Variants in CHTF8 observed in about 807,000 individuals in gnomAD.
The protein encoded by CHTF8 is chromosome transmission fidelity protein 8 homolog.
In CHTF8, 6 loss-of-function variants were observed where a neutral mutation model predicts 11.0. That is an observed-to-expected ratio of 0.55 (90% CI 0.30 to 1.08). The LOEUF (loss-of-function observed/expected upper bound fraction) is 1.08, where lower values mean the gene tolerates loss of function less well. Ranked by LOEUF, CHTF8 falls within the 50% of genes least tolerant of loss-of-function variation. The pLI is 0.07. For synonymous variants in CHTF8, 53 were observed against 60.5 expected, an observed-to-expected ratio of 0.88 and a Z score of 0.57; for missense variants, 140 against 153.1, an observed-to-expected ratio of 0.91 and a Z score of 0.45.
chr16:69,127,645 T>A (rs1962169640), intron 1 of CHTF8, among the ~76,000 whole-genome samples: 1 of 147,568 alleles, frequency 6.8e-6, no homozygotes, highest in Admixed American at 6.8e-5. Flanking sequence ...TGTCTCCCTC[T>A]GTTGCCCAGG....
In CHTF8 at chr16:69,120,202, G is replaced by A. The variant is rs1414294166; in HGVS notation, c.*223C>T. On this transcript the variant is annotated 3_prime_UTR_variant, in exon 4 of 4. Transcript: ENST00000448552. The surrounding 1 kb of genome is among the most constrained non-coding windows in gnomAD (Gnocchi z 4.0). Reference sequence around the variant, plus strand: ...TGCTGGATTTGAAGCCAATGAGCCTGATGAAGCTGGAAAAGGAGATGGGTT... The same window carrying A: ...TGCTGGATTTGAAGCCAATGAGCCTAATGAAGCTGGAAAAGGAGATGGGTT... 1.4e-6 allele frequency: 1 copy of A among 702,696 alleles called. No individual in the cohort carries two copies. Among genetic ancestry groups the A allele is most frequent in the Non-Finnish European group, 2.6e-6 (1 of 385,622 alleles). 43.5% of individuals were successfully genotyped at this position (702,696 alleles called of 1,614,324 possible). A position where few individuals can be genotyped will look rare whatever the true frequency, so the allele number is the denominator to read the frequency against.
chr16:69,127,818 C>T (rs1279521482), intron 1 of CHTF8, among the ~76,000 whole-genome samples: 1 of 151,996 alleles, frequency 6.6e-6, no homozygotes, highest in African/African-American at 2.4e-5. Flanking sequence ...CCATCTTGGC[C>T]AGGCTAGTCT....
chr16:69,124,381 T>C (rs1429509108), intron 1 of CHTF8, among the ~76,000 whole-genome samples: 3 of 152,170 alleles, frequency 2.0e-5, no homozygotes, highest in Non-Finnish European at 4.4e-5. Flanking sequence ...GTATTATAAT[T>C]GTGCTCAAGC....
rs1961608720 is a variant in CHTF8 at position 69,120,971 on chromosome 16, C to T, written c.141+82G>A. On this transcript the variant is annotated intron_variant, in intron 3 of 3. Transcript: ENST00000448552. The surrounding 1 kb of genome is among the most constrained non-coding windows in gnomAD (Gnocchi z 4.0). ...CCTTGAATAACAAACCTGAGGCAGTCCTCACTCTGGGTCCTGGGAGCACCA... is the reference window on the plus strand; with the variant it reads ...CCTTGAATAACAAACCTGAGGCAGTTCTCACTCTGGGTCCTGGGAGCACCA... 1.7e-6 allele frequency: 2 copies of T among 1,178,586 alleles called. No homozygotes were observed. The highest frequency in any genetic ancestry group is 2.6e-6 in the Non-Finnish European group (2 of 782,148). The allele number at this position is 1,178,586 out of a possible 1,614,324, so 73.0% of individuals were successfully genotyped here.
intron 1 of CHTF8, among the ~76,000 whole-genome samples, chr16:69,126,076 C>T (rs1206038224): frequency 6.6e-6 from 1 of 152,126 alleles, no homozygotes; most frequent in Non-Finnish European, 1.5e-5. Flanking sequence ...AGAAGGGGCT[C>T]TTGCAAATAT....
intron 1 of CHTF8, among the ~76,000 whole-genome samples, chr16:69,122,992 C>A (rs1397625933): frequency 6.6e-6 from 1 of 152,094 alleles, no homozygotes; most frequent in Admixed American, 6.5e-5. Flanking sequence ...ATCTCTTGAC[C>A]TCATGATCCG....
chr16:69,125,829 T>C (rs868385771), intron 1 of CHTF8, among the ~76,000 whole-genome samples: 1 of 152,238 alleles, frequency 6.6e-6, no homozygotes, highest in African/African-American at 2.4e-5. Flanking sequence ...CTTTACTGTG[T>C]AGTCAAGAAC....
At chr16:69,121,793 G>A (rs942165757) in intron 1 of CHTF8, among the ~76,000 whole-genome samples, 4 of 151,498 alleles carry the variant, frequency 2.6e-5, no homozygotes, top group South Asian at 4.2e-4. Flanking sequence ...TCAGCCTCCC[G>A]AGTAGCTGGG....
In CHTF8 at chr16:69,119,415, A is replaced by G. The variant is rs756696610; in HGVS notation, c.*1010T>C. Reference sequence around the variant, plus strand: ...GAGCTGAATTAGGGCCTATGGGGCCAGGAGCCCTTGACATGGGAGATGGAT... The same window carrying G: ...GAGCTGAATTAGGGCCTATGGGGCCGGGAGCCCTTGACATGGGAGATGGAT... On this transcript the variant is annotated 3_prime_UTR_variant, in exon 4 of 4. Coordinates refer to ENST00000448552, the MANE Select transcript of CHTF8 (RefSeq NM_001039690.5). 1 of 703,018 alleles carries G rather than the reference A, an allele frequency of 1.4e-6. No homozygotes were observed. The highest frequency in any genetic ancestry group is 1.5e-5 in the South Asian group (1 of 67,600). The allele number at this position is 703,018 out of a possible 1,614,324, so 43.5% of individuals were successfully genotyped here.
rs533543523 is a variant in CHTF8, at chr16:69,118,901, C to G, written c.*1524G>C. 1 of 703,142 alleles carries G rather than the reference C, an allele frequency of 1.4e-6. No homozygotes were observed. Among genetic ancestry groups the G allele is most frequent in the Admixed American group, 2.0e-5 (1 of 50,026 alleles). The allele number at this position is 703,142 out of a possible 1,614,324, so 43.6% of individuals were successfully genotyped here. A position where few individuals can be genotyped will look rare whatever the true frequency, so the allele number is the denominator to read the frequency against. ...GGGTACATTGCAGCCATTGGACCCC[C>G]TGGTCTGGGGAAAGCAGCTGGGTTT... is the stretch of plus-strand genomic sequence containing the variant. On this transcript the variant is annotated 3_prime_UTR_variant, in exon 4 of 4. Transcript: ENST00000448552.
Position 69,120,935 on chromosome 16 carries a change from G to A in CHTF8, c.141+118C>T, listed in dbSNP as rs753575749. The A allele has an allele frequency of 4.5e-6, 4 of 879,546 alleles. No individual in the cohort carries two copies. Among genetic ancestry groups the A allele is most frequent in the East Asian group, 4.8e-5 (2 of 41,610 alleles). The allele number at this position is 879,546 out of a possible 1,614,324, so 54.5% of individuals were successfully genotyped here. A position where few individuals can be genotyped will look rare whatever the true frequency, so the allele number is the denominator to read the frequency against. ...GGGAGAACAAGCAGAGAGCATCGCA[G>A]ATTAGCTAGGCCTTGAATAACAAAC... is the stretch of plus-strand genomic sequence containing the variant. On this transcript the variant is annotated intron_variant, in intron 3 of 3. Coordinates refer to ENST00000448552, the MANE Select transcript of CHTF8 (RefSeq NM_001039690.5). This position sits in a 1 kb window ranked among gnomAD's most constrained non-coding sequence, Gnocchi z 4.0.
At chr16:69,125,493 G>C (rs1184969654) in intron 1 of CHTF8, among the ~76,000 whole-genome samples, 1 of 151,968 alleles carries the variant, frequency 6.6e-6, no homozygotes, top group Admixed American at 6.6e-5. Flanking sequence ...CTTCCCAAAG[G>C]AAAAAAAGTA....
At position 69,120,668 on chromosome 16, in the gene CHTF8, G is replaced by A. The variant is rs767354306; in HGVS notation, c.142-19C>T. The A allele has an allele frequency of 8.8e-6, 14 of 1,595,684 alleles. No individual in the cohort carries two copies. Among genetic ancestry groups the A allele is most frequent in the East Asian group, 4.5e-5 (2 of 44,520 alleles). ...GGATTCCCTTTGGCAGAACAAGAAC[G>A]AGATTCCTGAGGTTCCGGGGCAAGG... On this transcript the variant is annotated intron_variant, in intron 3 of 3. Transcript: ENST00000448552. This position sits in a 1 kb window ranked among gnomAD's most constrained non-coding sequence, Gnocchi z 4.0.
At chr16:69,123,074 CTTTT>C (rs982967659) in intron 1 of CHTF8, among the ~76,000 whole-genome samples, 2 of 152,016 alleles carry the variant, frequency 1.3e-5, no homozygotes, top group African/African-American at 4.8e-5. Flanking sequence ...CTTTTTTCTT[CTTTT>C]GAGACAGGGT....
Position 69,121,485 on chromosome 16 carries a change from G to A in CHTF8, c.-27C>T, listed in dbSNP as rs777948178. The A allele has an allele frequency of 5.6e-6, 9 of 1,593,544 alleles. No individual in the cohort carries two copies. In the South Asian group the frequency reaches 9.1e-5, roughly 16 times the overall value. ...AGCTTTCTGTCTTTAAAAAGCAAGT[G>A]AAAACAAGCTGTAGAGAGAAAAAAA... On this transcript the variant is annotated 5_prime_UTR_variant, in exon 2 of 4. Transcript: ENST00000448552.
chr16:69,129,894 G>C (rs559288501), intron 1 of CHTF8, among the ~76,000 whole-genome samples: 14 of 152,280 alleles, frequency 9.2e-5, no homozygotes, highest in Non-Finnish European at 1.6e-4. Context: ...GAAGCAGCTT[G>C]CTTTTTATCA....
chr16:69,124,374 T>A (rs913370606), intron 1 of CHTF8, among the ~76,000 whole-genome samples: 1 of 152,160 alleles, frequency 6.6e-6, no homozygotes, highest in African/African-American at 2.4e-5. Flanking sequence ...TTAATAGGTA[T>A]TATAATTGTG....
At chr16:69,130,800 C>T (rs563634110) in intron 1 of CHTF8, among the ~76,000 whole-genome samples, 2 of 152,104 alleles carry the variant, frequency 1.3e-5, no homozygotes, top group Non-Finnish European at 2.9e-5. Context: ...ATGTTTATAA[C>T]GGACTAAAGC....
Position 69,119,581 on chromosome 16 carries a change from C to T in CHTF8, c.*844G>A, listed in dbSNP as rs557779937. On this transcript the variant is annotated 3_prime_UTR_variant, in exon 4 of 4. Coordinates refer to ENST00000448552, the MANE Select transcript of CHTF8 (RefSeq NM_001039690.5). ...AGAAGCTGAATTTGCTCCTAAAAGACCTGCTGCTCTTAGAATGGGGGCAAG... is the reference window on the plus strand; with the variant it reads ...AGAAGCTGAATTTGCTCCTAAAAGATCTGCTGCTCTTAGAATGGGGGCAAG... 1 of 702,066 alleles carries T rather than the reference C, an allele frequency of 1.4e-6. No individual in the cohort carries two copies. The highest frequency in any genetic ancestry group is 1.7e-5 in the African/African-American group (1 of 57,276). The allele number at this position is 702,066 out of a possible 1,614,324, so 43.5% of individuals were successfully genotyped here.
Sources: allele counts gnomAD v4.1 joint callset (sites outside exome capture counted in the v4.1 genomes callset), GRCh38; gene constraint gnomAD v4.1.1; non-coding constraint Gnocchi (gnomAD v3.1); transcripts MANE v1.5; gene names NCBI Gene and HGNC (gene_info 2026-07-23, HGNC 2026-07-21).